The following NKAIN2 variants were observed in gnomAD, a reference collection of about 807,000 sequenced individuals.
The protein encoded by NKAIN2 is sodium/potassium transporting ATPase interacting 2.
Under a neutral mutation model 32.6 loss-of-function variants are expected in NKAIN2, and 14 were observed. The observed-to-expected ratio is 0.43, with a 90% CI of 0.28 to 0.67. The LOEUF is 0.67. Ranked by LOEUF, NKAIN2 falls within the 30% of genes least tolerant of loss-of-function variation. NKAIN2 has a pLI of 0.17. For missense variants in NKAIN2, 198 were observed against 258.3 expected (o/e 0.77, Z 1.60); for synonymous variants, 80 against 87.2 (o/e 0.92, Z 0.46).
At chr6:123,863,347 C>A (rs908988336) in intron 1 of NKAIN2, among the ~76,000 whole-genome samples, 1 of 152,200 alleles carries the variant, frequency 6.6e-6, no homozygotes, top group African/African-American at 2.4e-5. Context: ...ATCTGGACTT[C>A]AGTTTTACTT....
intron 3 of NKAIN2, among the ~76,000 whole-genome samples, chr6:124,364,808 T>C (rs985798209): frequency 1.3e-5 from 2 of 151,512 alleles, no homozygotes; most frequent in African/African-American, 4.8e-5. Context: ...AAGAAGATAA[T>C]GGAAAGAATA....
chr6:124,495,624 C>T (rs1459675153), intron 3 of NKAIN2, among the ~76,000 whole-genome samples: 1 of 152,122 alleles, frequency 6.6e-6, no homozygotes, highest in African/African-American at 2.4e-5. Flanking sequence ...AGCTGCATAT[C>T]CTTTGTAGTC....
At chr6:124,758,635 C>T (rs574608708) in intron 4 of NKAIN2, among the ~76,000 whole-genome samples, 45 of 152,310 alleles carry the variant, frequency 3.0e-4, no homozygotes, top group African/African-American at 1.0e-3. Flanking sequence ...CAGAGCCTCA[C>T]TGATTAATCT....
At chr6:123,954,064 C>T (rs2114592568) in intron 1 of NKAIN2, among the ~76,000 whole-genome samples, 1 of 152,324 alleles carries the variant, frequency 6.6e-6, no homozygotes, top group East Asian at 1.9e-4. Flanking sequence ...GTGGCCCATG[C>T]TCCAATGACT....
chr6:124,819,705 G>A (rs1781316873), intron 6 of NKAIN2, among the ~76,000 whole-genome samples: 1 of 152,112 alleles, frequency 6.6e-6, no homozygotes, highest in African/African-American at 2.4e-5. Flanking sequence ...AAGCTATCAA[G>A]GAGTCCCTAT....
At chr6:124,492,927 A>G (rs1055736524) in intron 3 of NKAIN2, among the ~76,000 whole-genome samples, 1 of 151,952 alleles carries the variant, frequency 6.6e-6, no homozygotes, top group East Asian at 1.9e-4. Context: ...CAAGAGGTAT[A>G]TTCTGGAGTC....
At chr6:124,634,526 G>A (rs1434539578) in intron 3 of NKAIN2, among the ~76,000 whole-genome samples, 2 of 151,966 alleles carry the variant, frequency 1.3e-5, no homozygotes, top group African/African-American at 4.8e-5. Flanking sequence ...TTGAAAAGGA[G>A]TCTTTTGAAA....
chr6:124,819,674 T>C (rs574564506), intron 6 of NKAIN2, among the ~76,000 whole-genome samples: 28 of 152,304 alleles, frequency 1.8e-4, no homozygotes, highest in African/African-American at 6.5e-4. Flanking sequence ...ACTGCGCTGA[T>C]GATTTCACTT....
chr6:124,222,020 G>A (rs985508504), intron 1 of NKAIN2, among the ~76,000 whole-genome samples: 10 of 152,138 alleles, frequency 6.6e-5, no homozygotes, highest in African/African-American at 2.4e-4. Flanking sequence ...AGGAAGACTA[G>A]ATCTTGCCTT....
intron 1 of NKAIN2, among the ~76,000 whole-genome samples, chr6:124,045,685 C>A (rs563245919): frequency 6.6e-6 from 1 of 151,948 alleles, no homozygotes; most frequent in South Asian, 2.1e-4. Context: ...TTCATGGAGA[C>A]GGTGATTATG....
In NKAIN2 at chr6:123,964,012, C is replaced by CT. The variant is rs1437922263; in HGVS notation, c.54+159761dup. Among the ~76,000 whole-genome samples, 1 of 152,022 alleles carries CT rather than the reference C, an allele frequency of 6.6e-6. No individual in the cohort carries two copies. The highest frequency in any genetic ancestry group is 1.5e-5 in the Non-Finnish European group (1 of 68,008). ...AGGCCAAACATTGTTCTATCTTTGC[C>CT]TTTATAGCATATTGTTGATCATATC... On this transcript the variant is annotated intron_variant, in intron 1 of 6. Transcript: ENST00000368417. This position sits in a 1 kb window ranked among gnomAD's most constrained non-coding sequence, Gnocchi z 4.0.
intron 1 of NKAIN2, among the ~76,000 whole-genome samples, chr6:124,022,837 T>A (rs897233098): frequency 2.0e-5 from 3 of 152,080 alleles, no homozygotes; most frequent in African/African-American, 7.2e-5. Context: ...CTGCTTTGCA[T>A]GAATTCCTGG....
At position 124,570,121 on chromosome 6, in the gene NKAIN2, C is replaced by T. The variant is rs183752954; in HGVS notation, c.274-88065C>T. Among the ~76,000 whole-genome samples, 14 of 152,138 alleles carry T rather than the reference C, an allele frequency of 9.2e-5. No individual in the cohort carries two copies. In the East Asian group the frequency reaches 1.9e-3, roughly 21 times the overall value. On this transcript the variant is annotated intron_variant, in intron 3 of 6. Coordinates refer to ENST00000368417, the MANE Select transcript of NKAIN2 (RefSeq NM_001040214.3). Reference sequence around the variant, plus strand: ...ATTTGTGGAACTTTGAACATGAGAGCGTTGATTTAGGGTACCTGGCAGAAG... The same window carrying T: ...ATTTGTGGAACTTTGAACATGAGAGTGTTGATTTAGGGTACCTGGCAGAAG...
At chr6:124,605,056 C>T (rs141001139) in intron 3 of NKAIN2, among the ~76,000 whole-genome samples, 1 of 152,104 alleles carries the variant, frequency 6.6e-6, no homozygotes, top group African/African-American at 2.4e-5. Context: ...ATAAAGAAAC[C>T]CTTTCATGAT....
intron 1 of NKAIN2, among the ~76,000 whole-genome samples, chr6:124,128,667 T>C (rs1414058771): frequency 6.6e-6 from 1 of 152,238 alleles, no homozygotes; most frequent in African/African-American, 2.4e-5. Context: ...TTACAGAGCT[T>C]ACACAACTGT....
At chr6:123,910,497 A>ATTTTTTTTTTTTTTTTTT (rs1775116027) in intron 1 of NKAIN2, among the ~76,000 whole-genome samples, 1 of 97,816 alleles carries the variant, frequency 1.0e-5, no homozygotes, top group African/African-American at 4.2e-5. Flanking sequence ...CCTGCAATGC[A>ATTTTTTTTTTTTTTTTTT]TGTTTTTTTT....
intron 1 of NKAIN2, among the ~76,000 whole-genome samples, chr6:123,995,248 C>T (rs112172965): frequency 0.011 from 1,667 of 152,170 alleles, 11 homozygotes; most frequent in Non-Finnish European, 0.017. Flanking sequence ...AGGATGAGGA[C>T]GAGCCTTGTT....
At chr6:123,866,518 C>A (rs1023490719) in intron 1 of NKAIN2, among the ~76,000 whole-genome samples, 2 of 152,082 alleles carry the variant, frequency 1.3e-5, no homozygotes, top group African/African-American at 2.4e-5. Context: ...GCAAGCTCCG[C>A]CTCCTGGATT....
intron 4 of NKAIN2, among the ~76,000 whole-genome samples, chr6:124,744,316 G>A (rs1777361278): frequency 6.6e-6 from 1 of 151,748 alleles, no homozygotes; most frequent in African/African-American, 2.4e-5. Context: ...TATTTGGAGG[G>A]AAAGGAAGAT....
Sources: gnomAD v4.1 joint callset for allele counts (sites outside exome capture counted in the v4.1 genomes callset) on GRCh38, gnomAD v4.1.1 for gene constraint, Gnocchi (gnomAD v3.1) non-coding constraint, MANE v1.5 for transcripts, NCBI Gene and HGNC (gene_info 2026-07-23, HGNC 2026-07-21) for gene names.